The following PLXND1 variants were observed in gnomAD, a reference collection of about 807,000 sequenced individuals.
PLXND1 encodes the protein plexin-D1.
PLXND1 carries 54 observed loss-of-function variants against 197.7 expected under a neutral mutation model. The ratio of observed to expected loss-of-function variants is 0.27; its 90% CI spans 0.22 to 0.34. The LOEUF is 0.34. PLXND1 is among the 10% of genes least tolerant of loss of function. The pLI, the probability that PLXND1 is intolerant of heterozygous loss-of-function variation, is 1.00. For missense variants in PLXND1, 2,127 were observed against 2,699.2 expected, an observed-to-expected ratio of 0.79 and a Z score of 4.70; for synonymous variants, 1,180 against 1,161.2, an observed-to-expected ratio of 1.02 and a Z score of -0.33.
chr3:129,587,357 C>T (rs1001483297), intron 2 of PLXND1, among the ~76,000 whole-genome samples: 5 of 152,200 alleles, frequency 3.3e-5, no homozygotes, highest in African/African-American at 1.2e-4. Flanking sequence ...AGGCTTAAGG[C>T]TAGGGGTGTG....
At chr3:129,575,905 A>G in intron 9 of PLXND1, 50 bp from the exon 10 acceptor site, 1 of 1,085,908 alleles carries the variant, frequency 9.2e-7, no homozygotes, top group Non-Finnish European at 1.4e-6. Context: ...CCAAGCCAGC[A>G]TGCATTGCCC....
At chr3:129,589,997 G>A (rs1321278862) in intron 1 of PLXND1, among the ~76,000 whole-genome samples, 1 of 152,058 alleles carries the variant, frequency 6.6e-6, no homozygotes, top group Non-Finnish European at 1.5e-5. Context: ...CTACAGCCCC[G>A]GCTGGCTCTG....
Position 129,575,872 on chromosome 3 carries a change from G to C in PLXND1, c.2347-17C>G. 6.5e-7 allele frequency: 1 copy of C among 1,549,682 alleles called. No individual in the cohort carries two copies. The highest frequency in any genetic ancestry group is 8.9e-7 in the Non-Finnish European group (1 of 1,123,216). On this transcript the variant is annotated splice_polypyrimidine_tract_variant and intron_variant, in intron 9 of 35. Transcript: ENST00000324093. ...GGCTGCACCCTGTGGGAAACAGGGAGTGGGAGGCGGGTTTGAGGAGAACCA... is the reference window on the plus strand; with the variant it reads ...GGCTGCACCCTGTGGGAAACAGGGACTGGGAGGCGGGTTTGAGGAGAACCA...
At chr3:129,601,739 G>A (rs1391675327) in intron 1 of PLXND1, among the ~76,000 whole-genome samples, 7 of 152,096 alleles carry the variant, frequency 4.6e-5, no homozygotes, top group Non-Finnish European at 1.0e-4. Flanking sequence ...CCTGACTCTG[G>A]GCAGCTTTCT....
chr3:129,579,036 C>T (rs982257500), intron 8 of PLXND1, among the ~76,000 whole-genome samples: 4 of 152,186 alleles, frequency 2.6e-5, no homozygotes, highest in East Asian at 1.9e-4. Context: ...GGTGAAGGTG[C>T]CAGCCCCAGA....
chr3:129,565,663 G>A (rs1371940828), intron 24 of PLXND1, 125 bp from the exon 25 acceptor site: 9 of 930,668 alleles, frequency 9.7e-6, no homozygotes, highest in East Asian at 5.3e-5. Flanking sequence ...TGGGTCCTGC[G>A]AGGGGTGAGT....
chr3:129,557,974 C>G lies in PLXND1; in HGVS notation c.5445+454G>C, dbSNP rs1015086717. On this transcript the variant is annotated intron_variant, in intron 33 of 35. Transcript: ENST00000324093. The surrounding 1 kb of genome is among the most constrained non-coding windows in gnomAD (Gnocchi z 4.8). ...ACAGCCTTGTGTGCCCCCAACACAC[C>G]GCATGAATCTCAGAGCTCCTAGCCA... Among the ~76,000 whole-genome samples the G allele has an allele frequency of 2.0e-5, 3 of 152,204 alleles. No homozygotes were observed. Among genetic ancestry groups the G allele is most frequent in the Non-Finnish European group, 4.4e-5 (3 of 68,036 alleles).
At chr3:129,571,949 C>A in intron 15 of PLXND1, 105 bp from the exon 16 acceptor site, 7 of 1,077,988 alleles carry the variant, frequency 6.5e-6, no homozygotes, top group Non-Finnish European at 9.4e-6. Context: ...GCCTGGGGTT[C>A]AAGGCCTCCT....
intron 23 of PLXND1, 25 bp downstream of exon 23, chr3:129,566,502 T>G: frequency 7.1e-7 from 1 of 1,405,614 alleles, no homozygotes; most frequent in Non-Finnish European, 1.0e-6. Context: ...AGCAGCCCAC[T>G]GTGTGTGGGT....
At chr3:129,601,257 T>C (rs1478118865) in intron 1 of PLXND1, among the ~76,000 whole-genome samples, 1 of 152,202 alleles carries the variant, frequency 6.6e-6, no homozygotes, top group African/African-American at 2.4e-5. Context: ...ATTTGGGGAC[T>C]TCTGAGGGCT....
chr3:129,576,805 G>C (rs1258057648), intron 9 of PLXND1, among the ~76,000 whole-genome samples: 2 of 152,180 alleles, frequency 1.3e-5, no homozygotes, highest in Non-Finnish European at 2.9e-5. Context: ...ATATGTGCTT[G>C]CTATCATTAG....
At chr3:129,566,076 A>G in intron 23 of PLXND1, 59 bp from the exon 24 acceptor site, 1 of 1,594,852 alleles carries the variant, frequency 6.3e-7, no homozygotes, top group Non-Finnish European at 8.6e-7. Context: ...GCCTAGCCTA[A>G]CAGCCAGTGC....
intron 8 of PLXND1, among the ~76,000 whole-genome samples, chr3:129,581,884 G>A (rs1319336609): frequency 6.6e-6 from 1 of 152,244 alleles, no homozygotes; most frequent in Non-Finnish European, 1.5e-5. Flanking sequence ...GCAGGCTGCT[G>A]CCCAGTGTGA....
At chr3:129,602,896 T>C in intron 1 of PLXND1, among the ~76,000 whole-genome samples, 1 of 152,200 alleles carries the variant, frequency 6.6e-6, no homozygotes, top group East Asian at 1.9e-4. Flanking sequence ...ATGAAGAAAC[T>C]GAGGCCCAGA....
rs146817457 is a variant in PLXND1 at position 129,589,451 on chromosome 3, G to A, written c.1388C>T (p.Thr463Met). The change falls in exon 2 of 36, where the codon ACG becomes ATG. Residue 463 changes from threonine to methionine, a missense_variant. Thr to Met is a moderately conservative substitution (Grantham distance 81). This residue lies in a region of PLXND1 where 1,095 missense variants were observed against 1,259.8 expected (regional missense o/e 0.87). Transcript: ENST00000324093. ...PLSILQPLKA[T>M]PVFRAPGLTS... ...GAGGCCCGGGGCGCGGAACACGGGCGTGGCCTTCAGGGGCTGCAGGATGGA... is the reference window on the plus strand; with the variant it reads ...GAGGCCCGGGGCGCGGAACACGGGCATGGCCTTCAGGGGCTGCAGGATGGA... The A allele has an allele frequency of 7.4e-6, 12 of 1,611,220 alleles. No individual in the cohort carries two copies. The highest frequency in any genetic ancestry group is 1.7e-5 in the Admixed American group (1 of 59,876).
rs1016773564 is a variant in PLXND1, at chr3:129,573,634, C to T, written c.2797G>A (p.Ala933Thr). ...VAHGVWIGGVACEPLPDRYTV... is the reference protein window; with the variant it reads ...VAHGVWIGGVTCEPLPDRYTV... ...TATCTGTCAGGCAGTGGCTCACAGG[C>T]CACACCACCAATCCACACGCCGTGG... Residue 933 changes from alanine to threonine, a missense_variant, in exon 13 of 36, where the codon GCC (alanine) becomes ACC (threonine). Around this residue, in one of 6 missense-constraint regions of PLXND1, gnomAD observed 1,095 missense variants for 1,259.8 expected, o/e 0.87. Coordinates refer to ENST00000324093, the MANE Select transcript of PLXND1 (RefSeq NM_015103.3). 6.8e-6 allele frequency: 11 copies of T among 1,613,452 alleles called. No individual in the cohort carries two copies. In the Admixed American group the frequency reaches 1.5e-4, roughly 22 times the overall value.
intron 8 of PLXND1, among the ~76,000 whole-genome samples, chr3:129,582,953 G>A (rs1180477334): frequency 1.3e-5 from 2 of 152,206 alleles, no homozygotes; most frequent in African/African-American, 2.4e-5. Flanking sequence ...TCTGAGGCCA[G>A]CCCATCCTCC....
At position 129,557,732 on chromosome 3, in the gene PLXND1, G is replaced by A. The variant is rs1452450320; in HGVS notation, c.5446-509C>T. Among the ~76,000 whole-genome samples, 3 of 152,198 alleles carry A rather than the reference G, an allele frequency of 2.0e-5. No individual in the cohort carries two copies. Among genetic ancestry groups the A allele is most frequent in the Non-Finnish European group, 4.4e-5 (3 of 68,040 alleles). On this transcript the variant is annotated intron_variant, in intron 33 of 35. Coordinates refer to ENST00000324093, the MANE Select transcript of PLXND1 (RefSeq NM_015103.3). The surrounding 1 kb of genome is among the most constrained non-coding windows in gnomAD (Gnocchi z 4.8). ...GGCAGTACGTGAGTAGTAGTGGAGC[G>A]ATGGCATTTTCTCCTTCCCGTGGTC...
intron 29 of PLXND1, chr3:129,561,034 A>G (rs1480844915): frequency 1.2e-5 from 6 of 519,964 alleles, no homozygotes. Context: ...AGACACACAC[A>G]CAGTGACCCG....
Sources: gnomAD v4.1 joint callset for allele counts (sites outside exome capture counted in the v4.1 genomes callset) on GRCh38, gnomAD v4.1.1 for gene constraint, gnomAD v4.1.1 regional missense constraint, Gnocchi (gnomAD v3.1) non-coding constraint, MANE v1.5 for transcripts, NCBI Gene and HGNC (gene_info 2026-07-23, HGNC 2026-07-21) for gene names.